Variants in TMEM132D observed in about 807,000 individuals in gnomAD.
TMEM132D encodes transmembrane protein 132D, also known as mature OL transmembrane protein.
In TMEM132D, 21 loss-of-function variants were observed where a neutral mutation model predicts 62.3. The observed-to-expected ratio is 0.34, with a 90% CI of 0.24 to 0.49. The LOEUF is 0.49. TMEM132D is among the 20% of genes least tolerant of loss of function. TMEM132D has a pLI of 0.99. For missense variants in TMEM132D, 1,346 were observed against 1,402.8 expected, an observed-to-expected ratio of 0.96 and a Z score of 0.65; for synonymous variants, 621 against 575.6, an observed-to-expected ratio of 1.08 and a Z score of -1.13.
At chr12:129,539,405 CT>C (rs33913406) in intron 2 of TMEM132D, among the ~76,000 whole-genome samples, 143 of 117,004 alleles carry the variant, frequency 1.2e-3, no homozygotes, top group African/African-American at 3.1e-3. Flanking sequence ...CTAATTTTTT[CT>C]TTTTTTTTTT....
At chr12:129,378,685 C>A (rs1870852516) in intron 3 of TMEM132D, among the ~76,000 whole-genome samples, 2 of 152,178 alleles carry the variant, frequency 1.3e-5, no homozygotes, top group Middle Eastern at 3.2e-3. Context: ...TTCCATTCAG[C>A]CACCTGCAGG....
intron 2 of TMEM132D, among the ~76,000 whole-genome samples, chr12:129,609,937 C>T (rs1232449980): frequency 6.6e-6 from 1 of 152,188 alleles, no homozygotes; most frequent in Non-Finnish European, 1.5e-5. Context: ...CTCATGACAA[C>T]AGTGACATCC....
intron 1 of TMEM132D, among the ~76,000 whole-genome samples, chr12:129,828,305 A>AAGG (rs1872715311): frequency 6.6e-6 from 1 of 152,122 alleles, no homozygotes; most frequent in African/African-American, 2.4e-5. Flanking sequence ...CTTCTCCATT[A>AAGG]CATAAATAGA....
intron 3 of TMEM132D, among the ~76,000 whole-genome samples, chr12:129,423,377 A>C (rs569874637): frequency 6.6e-6 from 1 of 152,186 alleles, no homozygotes; most frequent in South Asian, 2.1e-4. Flanking sequence ...CTGTGCCTGC[A>C]CTGCCTTGTC....
intron 3 of TMEM132D, among the ~76,000 whole-genome samples, chr12:129,412,300 C>A (rs1323513488): frequency 6.6e-6 from 1 of 152,170 alleles, no homozygotes; most frequent in East Asian, 1.9e-4. Context: ...TAGAAGGCAT[C>A]GCTAGCTGTC....
At chr12:129,171,813 C>T (rs1056418031) in intron 5 of TMEM132D, among the ~76,000 whole-genome samples, 16 of 152,160 alleles carry the variant, frequency 1.1e-4, no homozygotes, top group African/African-American at 3.1e-4. Context: ...AGATACGCTG[C>T]GATACAGGCT....
At position 129,292,063 on chromosome 12, in the gene TMEM132D, C is replaced by T. The variant is rs76202296; in HGVS notation, c.1299+45571G>A. ...AAAGTATCATGGGTTGGTATGATAA[C>T]GGCATGCCTATCATGTTAGGATGAA... On this transcript the variant is annotated intron_variant, in intron 4 of 8. Transcript: ENST00000422113. 4.4e-3 allele frequency among the ~76,000 whole-genome samples: 665 copies of T among 152,210 alleles called. 4 individuals are homozygous for T. Among genetic ancestry groups the T allele is most frequent in the African/African-American group, 0.015 (606 of 41,534 alleles).
intron 6 of TMEM132D, among the ~76,000 whole-genome samples, chr12:129,082,407 A>G (rs1221201717): frequency 6.6e-6 from 1 of 152,068 alleles, no homozygotes; most frequent in African/African-American, 2.4e-5. Flanking sequence ...AAAGCCTGTG[A>G]CTTCTGTCTT....
At chr12:129,479,642 C>A (rs960485766) in intron 3 of TMEM132D, among the ~76,000 whole-genome samples, 2 of 151,968 alleles carry the variant, frequency 1.3e-5, no homozygotes, top group Non-Finnish European at 2.9e-5. Flanking sequence ...ATGTGAGAAG[C>A]TGATAGTGTC....
intron 2 of TMEM132D, among the ~76,000 whole-genome samples, chr12:129,545,871 C>T (rs943186246): frequency 1.3e-5 from 2 of 152,116 alleles, no homozygotes; most frequent in East Asian, 1.9e-4. Flanking sequence ...CAGGTAAAAC[C>T]GTCTCTCGGA....
intron 5 of TMEM132D, among the ~76,000 whole-genome samples, chr12:129,174,125 G>T (rs1238567638): frequency 1.3e-5 from 2 of 152,066 alleles, no homozygotes; most frequent in African/African-American, 4.8e-5. Context: ...TTTACCTTAA[G>T]TTGCAGGATA....
intron 4 of TMEM132D, among the ~76,000 whole-genome samples, chr12:129,229,483 G>A (rs905898956): frequency 6.6e-6 from 1 of 152,098 alleles, no homozygotes; most frequent in Admixed American, 6.5e-5. Flanking sequence ...TGAAACTGAG[G>A]GAGGTTTTGC....
chr12:129,260,165 C>T (rs528831090), intron 4 of TMEM132D, among the ~76,000 whole-genome samples: 1 of 152,034 alleles, frequency 6.6e-6, no homozygotes, highest in Admixed American at 6.5e-5. Flanking sequence ...GAAGAGATAG[C>T]CAAGGAGACT....
chr12:129,859,291 T>G lies in TMEM132D; in HGVS notation c.79+43970A>C, dbSNP rs139763902. Among the ~76,000 whole-genome samples, 371 of 152,296 alleles carry G rather than the reference T, an allele frequency of 2.4e-3. 3 individuals carry two copies. Among genetic ancestry groups the G allele is most frequent in the East Asian group, 0.021 (108 of 5,174 alleles). ...TTATAAGCCACCCATCTATGGAATT[T>G]TATTAGGTTGGTGTAAAAGTAATTG... is the stretch of plus-strand genomic sequence containing the variant. On this transcript the variant is annotated intron_variant, in intron 1 of 8. Coordinates refer to ENST00000422113, the MANE Select transcript of TMEM132D (RefSeq NM_133448.3).
At chr12:129,794,277 T>C (rs533611666) in intron 1 of TMEM132D, among the ~76,000 whole-genome samples, 45 of 145,018 alleles carry the variant, frequency 3.1e-4, no homozygotes, top group African/African-American at 1.0e-3. Context: ...TTTTTTTGTA[T>C]TTTTGGTAGA....
intron 4 of TMEM132D, among the ~76,000 whole-genome samples, chr12:129,228,226 G>A (rs561569318): frequency 1.8e-4 from 27 of 152,226 alleles, no homozygotes; most frequent in Middle Eastern, 3.4e-3. Flanking sequence ...CCAGTAATCC[G>A]GTGGGGAGTG....
chr12:129,487,854 G>A (rs145965361), intron 3 of TMEM132D, among the ~76,000 whole-genome samples: 1,716 of 148,886 alleles, frequency 0.012, 29 homozygotes, highest in East Asian at 0.058. Context: ...GGAGAATGGC[G>A]TGAACCCGGG....
At chr12:129,403,146 T>C (rs1024129925) in intron 3 of TMEM132D, among the ~76,000 whole-genome samples, 1 of 151,504 alleles carries the variant, frequency 6.6e-6, no homozygotes, top group Admixed American at 6.6e-5. Context: ...ATCTGGAACT[T>C]TCCTTCCAAA....
chr12:129,442,263 CA>C (rs1190521145), intron 3 of TMEM132D, among the ~76,000 whole-genome samples: 2 of 152,192 alleles, frequency 1.3e-5, no homozygotes, highest in Non-Finnish European at 2.9e-5. Flanking sequence ...AGATTCAGAG[CA>C]GAGAAGGGAA....
Sources: allele counts gnomAD v4.1 joint callset (sites outside exome capture counted in the v4.1 genomes callset), GRCh38; gene constraint gnomAD v4.1.1; transcripts MANE v1.5; gene names NCBI Gene and HGNC (gene_info 2026-07-23, HGNC 2026-07-21).